The following NAALADL2 variants were observed in gnomAD, a reference collection of about 807,000 sequenced individuals.
NAALADL2 encodes the protein N-acetylated alpha-linked acidic dipeptidase like 2.
In NAALADL2, 76 loss-of-function variants were observed where a neutral mutation model predicts 87.2. The ratio of observed to expected loss-of-function variants is 0.87; its 90% confidence interval spans 0.72 to 1.05. NAALADL2 has a LOEUF of 1.05. Among genes scored for constraint, NAALADL2 ranks in the 50% least tolerant of loss-of-function variants. The pLI is 0.00. For missense variants in NAALADL2, 1,089 were observed against 945.8 expected, an observed-to-expected ratio of 1.15 and a Z score of -1.99; for synonymous variants, 354 against 331.0, an observed-to-expected ratio of 1.07 and a Z score of -0.75.
intron 9 of NAALADL2, among the ~76,000 whole-genome samples, chr3:175,483,985 C>A (rs1226235236): frequency 6.6e-6 from 1 of 151,914 alleles, no homozygotes; most frequent in East Asian, 1.9e-4. Flanking sequence ...AAGTTATGAC[C>A]AACTGAATCT....
intron 2 of NAALADL2, among the ~76,000 whole-genome samples, chr3:174,597,459 T>C (rs1718026753): frequency 6.6e-6 from 1 of 152,254 alleles, no homozygotes; most frequent in South Asian, 2.1e-4. Flanking sequence ...CTGAAATCTA[T>C]GTTCCTAGAC....
chr3:174,711,038 C>T (rs1730574585), intron 2 of NAALADL2, among the ~76,000 whole-genome samples: 1 of 152,140 alleles, frequency 6.6e-6, no homozygotes, highest in African/African-American at 2.4e-5. Context: ...TTTTTCAGTG[C>T]AATTTATAAG....
chr3:175,584,063 A>C (rs868176863), intron 10 of NAALADL2, among the ~76,000 whole-genome samples: 1 of 146,868 alleles, frequency 6.8e-6, no homozygotes, highest in Non-Finnish European at 1.5e-5. Context: ...TCTGCGATGG[A>C]GTCTGGGTCT....
chr3:175,497,918 G>T, intron 9 of NAALADL2, among the ~76,000 whole-genome samples: 1 of 152,070 alleles, frequency 6.6e-6, no homozygotes, highest in East Asian at 1.9e-4. Flanking sequence ...AAAAGCACTT[G>T]ATATAGTGCC....
chr3:175,490,963 A>G (rs1374766293), intron 9 of NAALADL2, among the ~76,000 whole-genome samples: 1 of 152,110 alleles, frequency 6.6e-6, no homozygotes, highest in Non-Finnish European at 1.5e-5. Context: ...TATAATGACT[A>G]TATCTTATAG....
intron 4 of NAALADL2, among the ~76,000 whole-genome samples, chr3:175,294,832 G>A (rs1476616188): frequency 6.6e-6 from 1 of 152,094 alleles, no homozygotes; most frequent in African/African-American, 2.4e-5. Flanking sequence ...AAAATTATTC[G>A]GGAGAGTTAA....
chr3:175,414,328 A>G (rs1714187662), intron 5 of NAALADL2, among the ~76,000 whole-genome samples: 2 of 152,146 alleles, frequency 1.3e-5, no homozygotes, highest in South Asian at 4.1e-4. Flanking sequence ...TATTTTTAGT[A>G]TATGAATATT....
chr3:175,152,942 A>C (rs2108792708), intron 2 of NAALADL2, among the ~76,000 whole-genome samples: 1 of 152,134 alleles, frequency 6.6e-6, no homozygotes, highest in Middle Eastern at 3.4e-3. Context: ...GTATCTAAAT[A>C]TGTTCCCAAT....
At chr3:175,364,860 A>C (rs1017393750) in intron 5 of NAALADL2, among the ~76,000 whole-genome samples, 3 of 147,876 alleles carry the variant, frequency 2.0e-5, no homozygotes, top group African/African-American at 7.4e-5. Flanking sequence ...TCAGTGGAGG[A>C]AAGGAGACAT....
intron 3 of NAALADL2, among the ~76,000 whole-genome samples, chr3:174,788,883 C>A (rs1249359922): frequency 6.6e-6 from 1 of 152,118 alleles, no homozygotes; most frequent in Non-Finnish European, 1.5e-5. Flanking sequence ...TCATTACATT[C>A]TAATGTGAAA....
At chr3:174,649,940 ACTTCT>A (rs1724185049) in intron 2 of NAALADL2, among the ~76,000 whole-genome samples, 1 of 152,140 alleles carries the variant, frequency 6.6e-6, no homozygotes, top group Admixed American at 6.5e-5. Flanking sequence ...CATTTCTTGC[ACTTCT>A]CTTGAGAAGT....
At chr3:175,168,919 C>A (rs1349388062) in intron 2 of NAALADL2, among the ~76,000 whole-genome samples, 1 of 151,740 alleles carries the variant, frequency 6.6e-6, no homozygotes, top group East Asian at 1.9e-4. Context: ...CAAATAAGAT[C>A]AAACATTTTA....
intron 9 of NAALADL2, among the ~76,000 whole-genome samples, chr3:175,511,881 T>A (rs1028232208): frequency 6.6e-5 from 10 of 152,228 alleles, no homozygotes; most frequent in Non-Finnish European, 1.5e-4. Context: ...TACTTTAACC[T>A]AGGGTATGTT....
chr3:175,183,862 C>G (rs1736954300), intron 2 of NAALADL2, among the ~76,000 whole-genome samples: 1 of 152,054 alleles, frequency 6.6e-6, no homozygotes, highest in South Asian at 2.1e-4. Context: ...GTTGACAGAG[C>G]ATGAGGCCCA....
chr3:175,335,189 A>G (rs1761856456), intron 5 of NAALADL2, among the ~76,000 whole-genome samples: 1 of 152,202 alleles, frequency 6.6e-6, no homozygotes, highest in African/African-American at 2.4e-5. Context: ...CACTAGCCAT[A>G]TATGGCTATT....
intron 3 of NAALADL2, among the ~76,000 whole-genome samples, chr3:174,784,836 G>A (rs771767011): frequency 2.6e-5 from 4 of 152,124 alleles, no homozygotes; most frequent in Non-Finnish European, 5.9e-5. Flanking sequence ...TGTATAGGCA[G>A]TTGTTCAATT....
At chr3:174,560,590 C>T (rs1713478399) in intron 2 of NAALADL2, among the ~76,000 whole-genome samples, 1 of 152,128 alleles carries the variant, frequency 6.6e-6, no homozygotes, top group African/African-American at 2.4e-5. Context: ...GAGAGCTTAG[C>T]TGTGAAAAAT....
At chr3:174,534,950 T>C (rs1203157135) in intron 1 of NAALADL2, among the ~76,000 whole-genome samples, 2 of 152,208 alleles carry the variant, frequency 1.3e-5, no homozygotes, top group African/African-American at 4.8e-5. Flanking sequence ...AATATATTGA[T>C]TTAACTGGTC....
chr3:175,769,394 T>C (rs1749177297), intron 13 of NAALADL2, among the ~76,000 whole-genome samples: 1 of 152,180 alleles, frequency 6.6e-6, no homozygotes, highest in Non-Finnish European at 1.5e-5. Context: ...TCCTTTAAGG[T>C]AGCTAAATAG....
Sources: gnomAD v4.1 joint callset for allele counts (sites outside exome capture counted in the v4.1 genomes callset) on GRCh38, gnomAD v4.1.1 for gene constraint, MANE v1.5 for transcripts, NCBI Gene and HGNC (gene_info 2026-07-23, HGNC 2026-07-21) for gene names.